The following NRXN3 variants were observed in gnomAD, a reference collection of about 807,000 sequenced individuals.
NRXN3 encodes the protein neurexin 3.
A neutral mutation model predicts 137.6 loss-of-function variants in NRXN3; 32 were observed. The observed-to-expected ratio is 0.23, with a 90% CI of 0.18 to 0.31. NRXN3 has a LOEUF of 0.31. Ranked by LOEUF, NRXN3 falls within the 10% of genes least tolerant of loss-of-function variation. NRXN3 has a pLI of 1.00. For synonymous variants in NRXN3, 798 were observed against 784.5 expected (o/e 1.02, Z -0.29); for missense variants, 1,574 against 2,062.5 (o/e 0.76, Z 4.59).
chr14:78,436,280 C>T (rs764406431), intron 4 of NRXN3, among the ~76,000 whole-genome samples: 29 of 152,232 alleles, frequency 1.9e-4, no homozygotes, highest in African/African-American at 4.8e-4. Flanking sequence ...TGATGCCAAC[C>T]GCCCCCGTAA....
At chr14:79,284,567 C>G (rs1466313926) in intron 15 of NRXN3, among the ~76,000 whole-genome samples, 1 of 151,664 alleles carries the variant, frequency 6.6e-6, no homozygotes, top group African/African-American at 2.4e-5. Flanking sequence ...TTGGAAAGCT[C>G]AGTTTTAAAA....
At chr14:78,760,883 A>G (rs2098690256) in intron 8 of NRXN3, among the ~76,000 whole-genome samples, 1 of 152,180 alleles carries the variant, frequency 6.6e-6, no homozygotes, top group Non-Finnish European at 1.5e-5. Flanking sequence ...AGATAGGAGG[A>G]ATCATGGAAA....
At chr14:79,100,438 T>G (rs1214174556) in intron 15 of NRXN3, among the ~76,000 whole-genome samples, 1 of 152,252 alleles carries the variant, frequency 6.6e-6, no homozygotes, top group East Asian at 1.9e-4. Flanking sequence ...TTTTTCTTGT[T>G]GGCACGGTGT....
intron 15 of NRXN3, among the ~76,000 whole-genome samples, chr14:79,433,103 G>A (rs1186511748): frequency 1.3e-5 from 2 of 152,202 alleles, no homozygotes; most frequent in African/African-American, 4.8e-5. Flanking sequence ...AATGAAAGAG[G>A]TTGGATCCAT....
chr14:79,265,062 G>A lies in NRXN3; in HGVS notation c.3263-202159G>A, dbSNP rs1023939194. On this transcript the variant is annotated intron_variant, in intron 15 of 20. Coordinates refer to ENST00000335750, the MANE Select transcript of NRXN3 (RefSeq NM_001330195.2). ...ATTAACTGGCCAAATGTCGTATATA[G>A]TAGGACAAAGAATGAGTTAAGATGG... is the stretch of plus-strand genomic sequence containing the variant. Among the ~76,000 whole-genome samples the A allele has an allele frequency of 2.0e-5, 3 of 152,000 alleles. No homozygotes were observed. The South Asian group carries it at 6.2e-4, about 32-fold the overall frequency.
chr14:79,281,142 A>T (rs904511346), intron 15 of NRXN3, among the ~76,000 whole-genome samples: 1 of 152,162 alleles, frequency 6.6e-6, no homozygotes, highest in African/African-American at 2.4e-5. Context: ...ATCTAGTGGA[A>T]AAAGCAGCTA....
intron 15 of NRXN3, among the ~76,000 whole-genome samples, chr14:79,270,816 A>T (rs2079183685): frequency 6.6e-6 from 1 of 152,192 alleles, no homozygotes; most frequent in African/African-American, 2.4e-5. Context: ...TGTTTCTTCT[A>T]CCTATGACAT....
intron 4 of NRXN3, among the ~76,000 whole-genome samples, chr14:78,560,092 G>C (rs11159372): frequency 0.58 from 87,763 of 152,100 alleles, 26,539 homozygotes; most frequent in Non-Finnish European, 0.67. Flanking sequence ...GCTATGAAAG[G>C]GTGGTAGGAT....
At chr14:78,296,098 A>C (rs2153524056) in intron 3 of NRXN3, among the ~76,000 whole-genome samples, 3 of 131,084 alleles carry the variant, frequency 2.3e-5, no homozygotes, top group African/African-American at 3.0e-5. Flanking sequence ...TTGCTCTGTC[A>C]CCCAGGCTGG....
intron 10 of NRXN3, among the ~76,000 whole-genome samples, chr14:78,896,622 G>A (rs571843434): frequency 4.0e-4 from 61 of 151,818 alleles, no homozygotes; most frequent in Non-Finnish European, 7.8e-4. Flanking sequence ...ACATGGCAGA[G>A]GGTAATAGGA....
chr14:79,157,460 G>C (rs1403292618), intron 15 of NRXN3, among the ~76,000 whole-genome samples: 1 of 151,766 alleles, frequency 6.6e-6, no homozygotes, highest in Non-Finnish European at 1.5e-5. Flanking sequence ...CAGAATCCCT[G>C]AGGCTTGCTT....
At chr14:78,244,310 G>T (rs2067376413) in intron 2 of NRXN3, among the ~76,000 whole-genome samples, 1 of 152,080 alleles carries the variant, frequency 6.6e-6, no homozygotes, top group Non-Finnish European at 1.5e-5. Context: ...CACGCCTGTA[G>T]TCACAGCTAC....
rs548909405 is a variant in NRXN3, at chr14:78,356,294, A to C, written c.757+58434A>C. On this transcript the variant is annotated intron_variant, in intron 4 of 20. Transcript: ENST00000335750. ...GGGACTAGAATCCAAGCCTCTTGAC[A>C]ACTAGTCCAGCTTGCCCTTATTCTC... is the stretch of plus-strand genomic sequence containing the variant. 2.9e-3 allele frequency among the ~76,000 whole-genome samples: 448 copies of C among 152,304 alleles called. 1 individual carries two copies. The highest frequency in any genetic ancestry group is 0.02 in the Middle Eastern group (6 of 294).
intron 15 of NRXN3, among the ~76,000 whole-genome samples, chr14:79,161,374 G>A (rs1424384170): frequency 6.6e-6 from 1 of 152,018 alleles, no homozygotes; most frequent in South Asian, 2.1e-4. Context: ...TAGAATTTCA[G>A]AGAATGTGTC....
At chr14:79,778,321 C>G (rs2099103755) in intron 19 of NRXN3, among the ~76,000 whole-genome samples, 1 of 152,150 alleles carries the variant, frequency 6.6e-6, no homozygotes. Flanking sequence ...GAGGCTGAGG[C>G]AGGAGAATCA....
intron 4 of NRXN3, among the ~76,000 whole-genome samples, chr14:78,403,027 T>C (rs2092218629): frequency 6.6e-6 from 1 of 152,160 alleles, no homozygotes; most frequent in Admixed American, 6.5e-5. Flanking sequence ...TGCTTCTTGT[T>C]TGAGGTGGGA....
rs542615930 is a variant in NRXN3, at chr14:78,451,565, A to C, written c.757+153705A>C. Among the ~76,000 whole-genome samples, 38 of 152,326 alleles carry C rather than the reference A, an allele frequency of 2.5e-4. 1 individual carries two copies. Among genetic ancestry groups the C allele is most frequent in the Middle Eastern group, 6.8e-3 (2 of 294 alleles). Reference sequence around the variant, plus strand: ...AAACATGCAAAGTCTGGGGTGTTTCACTTCTTTCTATACTCCCTTCCCGTA... The same window carrying C: ...AAACATGCAAAGTCTGGGGTGTTTCCCTTCTTTCTATACTCCCTTCCCGTA... On this transcript the variant is annotated intron_variant, in intron 4 of 20. Coordinates refer to ENST00000335750, the MANE Select transcript of NRXN3 (RefSeq NM_001330195.2).
intron 15 of NRXN3, among the ~76,000 whole-genome samples, chr14:79,338,823 A>T (rs544460264): frequency 6.6e-6 from 1 of 152,268 alleles, no homozygotes; most frequent in African/African-American, 2.4e-5. Context: ...CCAGCTGGAG[A>T]TCTAAGATAA....
At position 79,797,112 on chromosome 14, in the gene NRXN3, A is replaced by C. The variant is rs76063653; in HGVS notation, c.4015-8000A>C. On this transcript the variant is annotated intron_variant, in intron 19 of 20. Coordinates refer to ENST00000335750, the MANE Select transcript of NRXN3 (RefSeq NM_001330195.2). ...GAGTGAATGAGTCAATGCAAATGTCAGTACAAATGTAAATAAAATCATATA... is the reference window on the plus strand; with the variant it reads ...GAGTGAATGAGTCAATGCAAATGTCCGTACAAATGTAAATAAAATCATATA... 2.2e-3 allele frequency among the ~76,000 whole-genome samples: 337 copies of C among 152,366 alleles called. 10 individuals are homozygous for C. The East Asian group carries it at 0.044, about 20-fold the overall frequency.
Sources: allele counts gnomAD v4.1 joint callset (sites outside exome capture counted in the v4.1 genomes callset), GRCh38; gene constraint gnomAD v4.1.1; transcripts MANE v1.5; gene names NCBI Gene and HGNC (gene_info 2026-07-23, HGNC 2026-07-21).